SHANK2: variants seen among roughly 807,000 people sequenced by gnomAD.
The protein encoded by SHANK2 is SH3 and multiple ankyrin repeat domains 2, also known as SH3 and multiple ankyrin repeat domains protein 2.
SHANK2 carries 43 observed loss-of-function variants against 133.7 expected under a neutral mutation model. That is an observed-to-expected ratio of 0.32 (90% CI 0.25 to 0.41). The LOEUF is 0.41. Ranked by LOEUF, SHANK2 falls within the 10% of genes least tolerant of loss-of-function variation. The pLI is 1.00. For synonymous variants in SHANK2, 1,017 were observed against 952.8 expected, an observed-to-expected ratio of 1.07 and a Z score of -1.24; for missense variants, 1,994 against 2,235.8, an observed-to-expected ratio of 0.89 and a Z score of 2.18.
chr11:70,842,371 G>T (rs1555061992), intron 11 of SHANK2, among the ~76,000 whole-genome samples: 1 of 152,192 alleles, frequency 6.6e-6, no homozygotes. Flanking sequence ...CCCCGAGGTG[G>T]TCAAGCTATG....
chr11:70,494,867 G>C (rs1555156751), intron 21 of SHANK2, among the ~76,000 whole-genome samples: 1 of 152,162 alleles, frequency 6.6e-6, no homozygotes, highest in East Asian at 1.9e-4. Context: ...AGGCCTGCAG[G>C]CTCACTGGGC....
chr11:70,593,298 T>C (rs1268189850), intron 17 of SHANK2, among the ~76,000 whole-genome samples: 1 of 152,252 alleles, frequency 6.6e-6, no homozygotes, highest in Non-Finnish European at 1.5e-5. Flanking sequence ...TTTAAATGAA[T>C]GTTGCATTTA....
chr11:70,680,983 C>T (rs536003166), intron 15 of SHANK2, among the ~76,000 whole-genome samples: 22 of 152,258 alleles, frequency 1.4e-4, no homozygotes, highest in Admixed American at 1.3e-3. Context: ...GAACCATCCC[C>T]GTCAATGCTC....
At chr11:70,930,459 A>G (rs1950486916) in intron 10 of SHANK2, among the ~76,000 whole-genome samples, 2 of 152,160 alleles carry the variant, frequency 1.3e-5, no homozygotes, top group Admixed American at 1.3e-4. Flanking sequence ...TGACTGATGC[A>G]AATACAAAGT....
rs142622608 is a variant in SHANK2 at position 70,487,505 on chromosome 11, C to T, written c.2788G>A (p.Ala930Thr). Residue 930 changes from alanine (A) to threonine (T), a missense_variant, in exon 25 of 26, where the codon GCC becomes ACC. Around this residue, in one of 5 missense-constraint regions of SHANK2, gnomAD observed 488 missense variants for 642.6 expected, o/e 0.76. Transcript: ENST00000601538. The surrounding 1 kb of genome is among the most constrained non-coding windows in gnomAD (Gnocchi z 5.8). ...IKPAFNQNSA[A>T]KVSPATRSDT... ...GACCTGGTGGCGGGGGACACCTTGGCGGCAGAATTCTGATTGAACGCAGGC... is the reference window on the plus strand; with the variant it reads ...GACCTGGTGGCGGGGGACACCTTGGTGGCAGAATTCTGATTGAACGCAGGC... 33 of 1,613,652 alleles carry T rather than the reference C, an allele frequency of 2.0e-5. No individual in the cohort carries two copies. Among genetic ancestry groups the T allele is most frequent in the African/African-American group, 8.0e-5 (6 of 74,800 alleles).
At chr11:71,066,097 GGT>G (rs1166527520) in intron 9 of SHANK2, among the ~76,000 whole-genome samples, 4 of 100,228 alleles carry the variant, frequency 4.0e-5, no homozygotes, top group East Asian at 2.8e-4. Flanking sequence ...TGGTGGGGGG[GGT>G]GTGTGCAGAA....
At chr11:70,932,057 G>A (rs938163153) in intron 10 of SHANK2, among the ~76,000 whole-genome samples, 1 of 152,046 alleles carries the variant, frequency 6.6e-6, no homozygotes, top group Non-Finnish European at 1.5e-5. Context: ...TCTATGATAC[G>A]GTATCTTCCA....
In SHANK2 at chr11:70,502,915, A is replaced by G. The variant is rs2059081855; in HGVS notation, c.2078T>C (p.Val693Ala). The change falls in exon 18 of 26, where the codon GTT becomes GCT. Residue 693 changes from valine (V) to alanine (A), a missense_variant. Transcript: ENST00000601538. ...CACCTGCCTGTGGCCGACTTTGACA[A>G]CATTCTCATTGTTAACCTGTGGGAA... The part of the protein sequence containing the change: ...DFLIEVNNEN[V>A]VKVGHRQVVN... The G allele has an allele frequency of 6.2e-7, 1 of 1,613,982 alleles. No individual in the cohort carries two copies. Among genetic ancestry groups the G allele is most frequent in the African/African-American group, 1.3e-5 (1 of 74,908 alleles).
In SHANK2 at chr11:70,543,707, C is replaced by A. The variant is rs1398572859; in HGVS notation, c.2062-40776G>T. Among the ~76,000 whole-genome samples the A allele has an allele frequency of 2.0e-5, 3 of 152,224 alleles. No individual in the cohort carries two copies. In the East Asian group the frequency reaches 5.8e-4, roughly 29 times the overall value. On this transcript the variant is annotated intron_variant, in intron 17 of 25. Transcript: ENST00000601538. ...GAGCTGCTCTAGCAAATTAATTGAA[C>A]CAGAGAAGGGCATCATGGGAACCCT...
At chr11:70,843,490 A>T (rs9326493) in intron 11 of SHANK2, among the ~76,000 whole-genome samples, 1 of 151,804 alleles carries the variant, frequency 6.6e-6, no homozygotes, top group East Asian at 2.0e-4. Context: ...AGTCCTTCAC[A>T]GTGGTTAAGT....
chr11:70,523,021 C>T (rs970093802), intron 17 of SHANK2, among the ~76,000 whole-genome samples: 5 of 152,194 alleles, frequency 3.3e-5, no homozygotes, highest in Admixed American at 2.0e-4. Flanking sequence ...ACGAGGTCTC[C>T]GGCAGAGGGC....
At chr11:71,105,440 A>G (rs1485355199) in intron 6 of SHANK2, among the ~76,000 whole-genome samples, 1 of 151,954 alleles carries the variant, frequency 6.6e-6, no homozygotes, top group Non-Finnish European at 1.5e-5. Flanking sequence ...TAAAAATAAA[A>G]AAATTAGTTG....
At chr11:70,654,894 A>G (rs1410982039) in intron 17 of SHANK2, among the ~76,000 whole-genome samples, 1 of 151,186 alleles carries the variant, frequency 6.6e-6, no homozygotes, top group East Asian at 1.9e-4. Flanking sequence ...CAGCCTCCTG[A>G]GTAGCTGGGA....
intron 14 of SHANK2, among the ~76,000 whole-genome samples, chr11:70,718,698 C>CTTTTTT (rs1348392187): frequency 1.2e-5 from 1 of 80,930 alleles, no homozygotes; most frequent in African/African-American, 9.7e-5. Flanking sequence ...AGAGCTCATT[C>CTTTTTT]TCTTTTTTTT....
chr11:70,757,641 A>G (rs1421153598), intron 14 of SHANK2, among the ~76,000 whole-genome samples: 2 of 152,204 alleles, frequency 1.3e-5, no homozygotes, highest in African/African-American at 4.8e-5. Context: ...TGGGTGGGGA[A>G]TGTGCTGTGT....
intron 11 of SHANK2, among the ~76,000 whole-genome samples, chr11:70,851,561 A>G (rs1324998056): frequency 6.6e-6 from 1 of 152,228 alleles, no homozygotes; most frequent in African/African-American, 2.4e-5. Flanking sequence ...TATGAGGGCA[A>G]TTGAGCACGG....
chr11:70,854,849 C>T lies in SHANK2; in HGVS notation c.1175-34167G>A, dbSNP rs1488876921. On this transcript the variant is annotated intron_variant, in intron 11 of 25. Coordinates refer to ENST00000601538, the MANE Select transcript of SHANK2 (RefSeq NM_012309.5). The stretch of plus-strand genomic sequence containing the variant: ...GGTCCTGGACAAGCCCTCTGTCCAC[C>T]ACAGAGCAGGGACTAGGCACTGGTC... Among the ~76,000 whole-genome samples the T allele has an allele frequency of 1.3e-5, 2 of 152,232 alleles. 1 individual carries two copies. The highest frequency in any genetic ancestry group is 4.8e-5 in the African/African-American group (2 of 41,462).
At chr11:71,236,483 G>A (rs914577977) in intron 1 of SHANK2, among the ~76,000 whole-genome samples, 9 of 152,192 alleles carry the variant, frequency 5.9e-5, no homozygotes, top group African/African-American at 2.2e-4. Context: ...GTGGTGGCAT[G>A]CACCTATAGT....
chr11:70,525,492 CTA>C (rs2059383891), intron 17 of SHANK2, among the ~76,000 whole-genome samples: 1 of 151,732 alleles, frequency 6.6e-6, no homozygotes, highest in Non-Finnish European at 1.5e-5. Flanking sequence ...CTGCCTTCTG[CTA>C]GGAGCATGAG....
Sources: gnomAD v4.1 joint callset for allele counts (sites outside exome capture counted in the v4.1 genomes callset) on GRCh38, gnomAD v4.1.1 for gene constraint, gnomAD v4.1.1 regional missense constraint, Gnocchi (gnomAD v3.1) non-coding constraint, MANE v1.5 for transcripts, NCBI Gene and HGNC (gene_info 2026-07-23, HGNC 2026-07-21) for gene names.